The following ATG10 variants were observed in gnomAD, a reference collection of about 807,000 sequenced individuals.
ATG10 encodes the protein autophagy related 10.
A neutral mutation model predicts 32.1 loss-of-function variants in ATG10; 30 were observed. The ratio of observed to expected loss-of-function variants is 0.94; its 90% CI spans 0.70 to 1.27. The LOEUF is 1.27. Ranked by LOEUF, ATG10 falls within the 50% of genes most tolerant of loss-of-function variation. The pLI is 0.00. For missense variants in ATG10, 233 were observed against 262.3 expected (o/e 0.89, Z 0.77); for synonymous variants, 87 against 91.5 (o/e 0.95, Z 0.28).
intron 5 of ATG10, among the ~76,000 whole-genome samples, chr5:82,192,901 A>G (rs1391063833): frequency 6.6e-6 from 1 of 152,240 alleles, no homozygotes; most frequent in African/African-American, 2.4e-5. Flanking sequence ...ACTTACCTAC[A>G]TAATGAATTG....
intron 1 of ATG10, among the ~76,000 whole-genome samples, chr5:81,980,069 C>T (rs1021195403): frequency 7.2e-5 from 11 of 152,192 alleles, no homozygotes; most frequent in Middle Eastern, 3.4e-3. Flanking sequence ...TTCTATACAT[C>T]TCTCTGTTGC....
intron 5 of ATG10, among the ~76,000 whole-genome samples, chr5:82,248,252 G>T (rs1747111209): frequency 6.6e-6 from 1 of 152,024 alleles, no homozygotes; most frequent in Non-Finnish European, 1.5e-5. Flanking sequence ...GCCTCAACTG[G>T]GACTGCAACC....
intron 5 of ATG10, among the ~76,000 whole-genome samples, chr5:82,230,515 C>T (rs140414607): frequency 0.043 from 6,495 of 151,892 alleles, 197 homozygotes; most frequent in Non-Finnish European, 0.064. Context: ...GGGTGGATCA[C>T]GAGGTCAAGA....
At position 82,156,429 on chromosome 5, in the gene ATG10, A is replaced by G. The variant is rs1025928728; in HGVS notation, c.217-7970A>G. Reference sequence around the variant, plus strand: ...GAGGCCAGGAATACGTCTGTTTAACATTTCTCACCACCAAGAATCTGATGG... The same window carrying G: ...GAGGCCAGGAATACGTCTGTTTAACGTTTCTCACCACCAAGAATCTGATGG... On this transcript the variant is annotated intron_variant, in intron 3 of 7. Coordinates refer to ENST00000282185, the MANE Select transcript of ATG10 (RefSeq NM_031482.5). 2.6e-5 allele frequency among the ~76,000 whole-genome samples: 4 copies of G among 152,238 alleles called. No individual in the cohort carries two copies. In the East Asian group the frequency reaches 5.8e-4, roughly 22 times the overall value.
At chr5:82,159,048 A>G (rs907851940) in intron 3 of ATG10, among the ~76,000 whole-genome samples, 17 of 152,314 alleles carry the variant, frequency 1.1e-4, no homozygotes, top group African/African-American at 4.1e-4. Context: ...TCTTTTTGGC[A>G]TATCCAAATT....
intron 3 of ATG10, among the ~76,000 whole-genome samples, chr5:82,139,556 C>T (rs745810981): frequency 4.8e-5 from 7 of 145,924 alleles, no homozygotes; most frequent in East Asian, 2.1e-4. Context: ...AGGTGAGGAG[C>T]GTCTCTGCCC....
chr5:82,203,769 A>G (rs189202044), intron 5 of ATG10, among the ~76,000 whole-genome samples: 7 of 152,108 alleles, frequency 4.6e-5, no homozygotes, highest in Admixed American at 3.3e-4. Context: ...TTCTGCTCCA[A>G]TCTTAAGGAA....
intron 2 of ATG10, among the ~76,000 whole-genome samples, chr5:82,027,188 C>G (rs1762619301): frequency 6.6e-6 from 1 of 151,904 alleles, no homozygotes; most frequent in African/African-American, 2.4e-5. Flanking sequence ...CACTTGAGCC[C>G]AGGAATTTCA....
At chr5:82,035,460 A>G (rs1177975868) in intron 2 of ATG10, among the ~76,000 whole-genome samples, 1 of 152,166 alleles carries the variant, frequency 6.6e-6, no homozygotes, top group East Asian at 1.9e-4. Flanking sequence ...TTTCCCTCCA[A>G]ACAGACTGTA....
In ATG10 at chr5:82,106,669, T is replaced by A. The variant is rs534962984; in HGVS notation, c.216+48067T>A. On this transcript the variant is annotated intron_variant, in intron 3 of 7. Transcript: ENST00000282185. ...TGCTGGTCTCAGGTTAATCTTACTA[T>A]GGTATCATTTTCTTAACAATGGACT... Among the ~76,000 whole-genome samples, 101 of 152,102 alleles carry A rather than the reference T, an allele frequency of 6.6e-4. 1 individual carries two copies. Among genetic ancestry groups the A allele is most frequent in the Admixed American group, 7.9e-4 (12 of 15,238 alleles).
At chr5:82,234,604 A>G (rs2150010547) in intron 5 of ATG10, among the ~76,000 whole-genome samples, 1 of 152,382 alleles carries the variant, frequency 6.6e-6, no homozygotes, top group African/African-American at 2.4e-5. Flanking sequence ...AAAGTAAATC[A>G]GGGACTTTGA....
At chr5:82,125,883 G>A (rs1168881774) in intron 3 of ATG10, among the ~76,000 whole-genome samples, 6 of 152,134 alleles carry the variant, frequency 3.9e-5, no homozygotes, top group African/African-American at 1.2e-4. Flanking sequence ...CCATTTTCAC[G>A]ATACTGATTC....
At chr5:82,084,598 C>T (rs1194414181) in intron 3 of ATG10, among the ~76,000 whole-genome samples, 1 of 152,134 alleles carries the variant, frequency 6.6e-6, no homozygotes, top group Non-Finnish European at 1.5e-5. Context: ...TCGGGTTACC[C>T]ACAAAGGGAA....
At chr5:82,076,719 A>G (rs1764283955) in intron 3 of ATG10, among the ~76,000 whole-genome samples, 1 of 152,224 alleles carries the variant, frequency 6.6e-6, no homozygotes, top group African/African-American at 2.4e-5. Context: ...GTCAGATAAT[A>G]TTATCAAGTA....
intron 2 of ATG10, among the ~76,000 whole-genome samples, chr5:81,994,242 A>G (rs998302857): frequency 7.2e-5 from 11 of 152,278 alleles, no homozygotes; most frequent in East Asian, 5.8e-4. Flanking sequence ...ACTCCATCAC[A>G]GAGTATTCCA....
chr5:82,110,141 A>G (rs1765571895), intron 3 of ATG10, among the ~76,000 whole-genome samples: 2 of 152,094 alleles, frequency 1.3e-5, no homozygotes, highest in South Asian at 4.1e-4. Context: ...ATCCTTTTTT[A>G]TGGCTGCATA....
chr5:82,124,145 T>C (rs1252984107), intron 3 of ATG10, among the ~76,000 whole-genome samples: 1 of 149,742 alleles, frequency 6.7e-6, no homozygotes, highest in Non-Finnish European at 1.5e-5. Flanking sequence ...CGATCTTGGC[T>C]GACACTTGCC....
intron 5 of ATG10, among the ~76,000 whole-genome samples, chr5:82,225,442 A>T (rs1746088199): frequency 6.6e-6 from 1 of 152,210 alleles, no homozygotes; most frequent in African/African-American, 2.4e-5. Context: ...AGATCATCAC[A>T]TCTGGAAAGC....
At position 82,003,657 on chromosome 5, in the gene ATG10, G is replaced by A. The variant is rs1291800717; in HGVS notation, c.108+15979G>A. On this transcript the variant is annotated intron_variant, in intron 2 of 7. Transcript: ENST00000282185. Reference sequence around the variant, plus strand: ...TGTTAGAGAGAAAAAGAGCAGAATAGCCTTCCAATCCAACCCATTGAACAT... The same window carrying A: ...TGTTAGAGAGAAAAAGAGCAGAATAACCTTCCAATCCAACCCATTGAACAT... 4.6e-5 allele frequency among the ~76,000 whole-genome samples: 7 copies of A among 152,304 alleles called. No homozygotes were observed. The East Asian group carries it at 9.6e-4, about 21-fold the overall frequency.
Sources: allele counts gnomAD v4.1 joint callset (sites outside exome capture counted in the v4.1 genomes callset), GRCh38; gene constraint gnomAD v4.1.1; transcripts MANE v1.5; gene names NCBI Gene and HGNC (gene_info 2026-07-23, HGNC 2026-07-21).